Variants in ARL5A observed in about 807,000 individuals in gnomAD.
ARL5A encodes the protein ADP-ribosylation factor-like protein 5A.
In ARL5A, 18 loss-of-function variants were observed where a neutral mutation model predicts 25.9. The observed-to-expected ratio is 0.69, with a 90% CI of 0.48 to 1.03. The LOEUF is 1.03. ARL5A is among the 50% of genes least tolerant of loss of function. The pLI is 0.00. For missense variants in ARL5A, 170 were observed against 211.9 expected (o/e 0.80, Z 1.23); for synonymous variants, 61 against 67.5 (o/e 0.90, Z 0.47).
intron 1 of ARL5A, among the ~76,000 whole-genome samples, chr2:151,820,660 CAAAAAA>C (rs71410438): frequency 6.7e-5 from 3 of 45,080 alleles, no homozygotes; most frequent in Admixed American, 4.1e-4. Flanking sequence ...ATCCTGTCTC[CAAAAAA>C]AAAAAAAAAA....
intron 1 of ARL5A, among the ~76,000 whole-genome samples, chr2:151,819,293 G>A (rs765586641): frequency 1.2e-4 from 19 of 152,078 alleles, no homozygotes; most frequent in East Asian, 3.9e-4. Flanking sequence ...AGTTTGCTAC[G>A]GTTCTTTTAT....
chr2:151,819,610 C>G (rs1416007493), intron 1 of ARL5A, among the ~76,000 whole-genome samples: 1 of 152,164 alleles, frequency 6.6e-6, no homozygotes, highest in African/African-American at 2.4e-5. Context: ...AGTAAAACCT[C>G]ATCTGGCTTT....
In ARL5A at chr2:151,814,243, G is replaced by A. The variant is rs778325948; in HGVS notation, c.181C>T (p.Arg61Cys). 2.6e-5 allele frequency: 41 copies of A among 1,606,564 alleles called. No homozygotes were observed. Among genetic ancestry groups the A allele is most frequent in the Admixed American group, 5.1e-5 (3 of 58,972 alleles). The change falls in exon 3 of 6, where the codon CGT (arginine) becomes TGT (cysteine). Residue 61 changes from arginine to cysteine, a missense_variant. Coordinates refer to ENST00000295087, the MANE Select transcript of ARL5A (RefSeq NM_012097.4). ...NVEEIVINNT[R>C]FLMWDIGGQE... is the part of the protein sequence containing the mutation. Reference sequence around the variant, plus strand: ...CCACCAATATCCCACATTAGGAAACGTGTATTATTAATCACTATCTCTTCT... The same window carrying A: ...CCACCAATATCCCACATTAGGAAACATGTATTATTAATCACTATCTCTTCT...
intron 4 of ARL5A, among the ~76,000 whole-genome samples, chr2:151,807,196 T>C (rs1363642959): frequency 6.6e-6 from 1 of 152,192 alleles, no homozygotes; most frequent in African/African-American, 2.4e-5. Flanking sequence ...GTGCTGTATT[T>C]AACAGTCATG....
intron 2 of ARL5A, 110 bp downstream of exon 2, chr2:151,815,029 C>G: frequency 1.2e-6 from 1 of 811,172 alleles, no homozygotes; most frequent in African/African-American, 1.8e-5. Context: ...TGCTTTCTTA[C>G]AGGGTAACTT....
intron 2 of ARL5A, 141 bp from the exon 3 acceptor site, chr2:151,814,457 G>C: frequency 3.0e-6 from 2 of 662,502 alleles, no homozygotes; most frequent in South Asian, 2.5e-5. Flanking sequence ...TACAACATGA[G>C]TGAGGGTTTA....
At position 151,828,359 on chromosome 2, in the gene ARL5A, A is replaced by G. The variant is rs1028898468; in HGVS notation, c.-183T>C. On this transcript the variant is annotated 5_prime_UTR_variant, in exon 1 of 6. Coordinates refer to ENST00000295087, the MANE Select transcript of ARL5A (RefSeq NM_012097.4). ...AGCCCAGGCCGCCCTGCCGCGCGCA[A>G]GGCCCCGCCGCTGCCGCCGCGGCAC... 4.9e-5 allele frequency: 24 copies of G among 492,154 alleles called. No homozygotes were observed. The Admixed American group carries it at 9.4e-4, about 19-fold the overall frequency. The allele number at this position is 492,154 out of a possible 1,614,324, so 30.5% of individuals were successfully genotyped here.
Position 151,799,728 on chromosome 2 carries a change from G to A in ARL5A, c.*3548C>T, listed in dbSNP as rs1028067019. 3 of 152,180 alleles carry A rather than the reference G, an allele frequency of 2.0e-5. No homozygotes were observed. Among genetic ancestry groups the A allele is most frequent in the Admixed American group, 1.3e-4 (2 of 15,274 alleles). 9.4% of individuals were successfully genotyped at this position (152,180 alleles called of 1,614,324 possible). ...CACATCTCTGATAATGCTCTCTAATGAGCAAAGTCCAAATCACTACCTCAA... is the reference window on the plus strand; with the variant it reads ...CACATCTCTGATAATGCTCTCTAATAAGCAAAGTCCAAATCACTACCTCAA... On this transcript the variant is annotated 3_prime_UTR_variant, in exon 6 of 6. Coordinates refer to ENST00000295087, the MANE Select transcript of ARL5A (RefSeq NM_012097.4).
At chr2:151,809,586 G>T (rs778208329) in intron 4 of ARL5A, among the ~76,000 whole-genome samples, 2 of 152,004 alleles carry the variant, frequency 1.3e-5, no homozygotes, top group African/African-American at 2.4e-5. Flanking sequence ...GTTCATCAAC[G>T]TGACTTAACA....
intron 1 of ARL5A, among the ~76,000 whole-genome samples, chr2:151,821,775 CTTT>C (rs760341359): frequency 1.8e-5 from 2 of 113,542 alleles, no homozygotes; most frequent in African/African-American, 6.8e-5. Context: ...GCCCGGCTTT[CTTT>C]TTTTTTTTTT....
intron 1 of ARL5A, among the ~76,000 whole-genome samples, chr2:151,826,745 A>G (rs1466120228): frequency 6.6e-6 from 1 of 152,262 alleles, no homozygotes; most frequent in Non-Finnish European, 1.5e-5. Context: ...TCTAGGTGAG[A>G]AAACCTAGAC....
At position 151,799,163 on chromosome 2, in the gene ARL5A, T is replaced by C. The variant is rs1254110168; in HGVS notation, c.*4113A>G. 1 of 152,232 alleles carries C rather than the reference T, an allele frequency of 6.6e-6. No individual in the cohort carries two copies. Among genetic ancestry groups the C allele is most frequent in the Admixed American group, 6.5e-5 (1 of 15,286 alleles). 9.4% of individuals were successfully genotyped at this position (152,232 alleles called of 1,614,324 possible). ...GCACATTCTTTGAGGGAGCATGATA[T>C]ACAAGTTTTATTTTTGTGTAAGTGG... On this transcript the variant is annotated 3_prime_UTR_variant, in exon 6 of 6. Coordinates refer to ENST00000295087, the MANE Select transcript of ARL5A (RefSeq NM_012097.4).
intron 1 of ARL5A, among the ~76,000 whole-genome samples, chr2:151,817,534 G>A (rs2099831677): frequency 6.6e-6 from 1 of 152,052 alleles, no homozygotes; most frequent in Admixed American, 6.5e-5. Flanking sequence ...TGATCTATAG[G>A]CACCTCCTAT....
At position 151,827,958 on chromosome 2, in the gene ARL5A, A is replaced by T. The variant is rs914014509; in HGVS notation, c.46+173T>A. 36 of 632,162 alleles carry T rather than the reference A, an allele frequency of 5.7e-5. No homozygotes were observed. In the African/African-American group the frequency reaches 7.0e-4, roughly 12 times the overall value. The allele number at this position is 632,162 out of a possible 1,614,324, so 39.2% of individuals were successfully genotyped here. A position where few individuals can be genotyped will look rare whatever the true frequency, so the allele number is the denominator to read the frequency against. ...GGCTGCGAGTCAGGAACCATCCCCA[A>T]GCTCGGGAGCCGGGACCGAACCGTC... On this transcript the variant is annotated intron_variant, in intron 1 of 5. Coordinates refer to ENST00000295087, the MANE Select transcript of ARL5A (RefSeq NM_012097.4).
In ARL5A at chr2:151,814,285, T is replaced by C; in HGVS notation, c.139A>G (p.Thr47Ala). 1 of 1,589,982 alleles carries C rather than the reference T, an allele frequency of 6.3e-7. No individual in the cohort carries two copies. Among genetic ancestry groups the C allele is most frequent in the Non-Finnish European group, 8.5e-7 (1 of 1,170,832 alleles). The change falls in exon 3 of 6, where the codon ACA (threonine) becomes GCA (alanine). Residue 47 changes from threonine to alanine, a missense_variant. Transcript: ENST00000295087. ...ATCTCTTCTACATTACTTCCTATTG[T>C]AGGAGATGTATGTACAACTTCATTC... ...SMNEVVHTSP[T>A]IGSNVEEIVI...
chr2:151,800,600 G>A lies in ARL5A; in HGVS notation c.*2676C>T, dbSNP rs1294731052. 7 of 152,064 alleles carry A rather than the reference G, an allele frequency of 4.6e-5. No individual in the cohort carries two copies. The highest frequency in any genetic ancestry group is 1.4e-4 in the African/African-American group (6 of 41,412). The allele number at this position is 152,064 out of a possible 1,614,324, so 9.4% of individuals were successfully genotyped here. A position where few individuals can be genotyped will look rare whatever the true frequency, so the allele number is the denominator to read the frequency against. On this transcript the variant is annotated 3_prime_UTR_variant, in exon 6 of 6. Coordinates refer to ENST00000295087, the MANE Select transcript of ARL5A (RefSeq NM_012097.4). ...TATAACCCCTATACAACCTGCCTTC[G>A]TTGTATCCTTTGCCCATTATGAGGA...
At position 151,801,661 on chromosome 2, in the gene ARL5A, A is replaced by G. The variant is rs566519652; in HGVS notation, c.*1615T>C. 2 of 152,274 alleles carry G rather than the reference A, an allele frequency of 1.3e-5. No individual in the cohort carries two copies. Among genetic ancestry groups the G allele is most frequent in the African/African-American group, 4.8e-5 (2 of 41,584 alleles). 9.4% of individuals were successfully genotyped at this position (152,274 alleles called of 1,614,324 possible). ...GATATCCCATGCCTGACCTGGATTTAGATATTGAGTATTTCCCATTTTAAA... is the reference window on the plus strand; with the variant it reads ...GATATCCCATGCCTGACCTGGATTTGGATATTGAGTATTTCCCATTTTAAA... On this transcript the variant is annotated 3_prime_UTR_variant, in exon 6 of 6. Coordinates refer to ENST00000295087, the MANE Select transcript of ARL5A (RefSeq NM_012097.4).
intron 1 of ARL5A, among the ~76,000 whole-genome samples, chr2:151,823,134 T>C (rs2099832573): frequency 6.6e-6 from 1 of 152,332 alleles, no homozygotes; most frequent in Admixed American, 6.5e-5. Flanking sequence ...ATTAATTCTA[T>C]GTCTCTCAGA....
intron 1 of ARL5A, among the ~76,000 whole-genome samples, chr2:151,825,113 T>C (rs1026044354): frequency 1.3e-5 from 2 of 152,230 alleles, no homozygotes; most frequent in Non-Finnish European, 2.9e-5. Flanking sequence ...AATTTGTCTG[T>C]TTTGTTCCCT....
Sources: allele counts gnomAD v4.1 joint callset (sites outside exome capture counted in the v4.1 genomes callset), GRCh38; gene constraint gnomAD v4.1.1; transcripts MANE v1.5; gene names NCBI Gene and HGNC (gene_info 2026-07-23, HGNC 2026-07-21).